The following CTNNA2 variants were observed in gnomAD, a reference collection of about 807,000 sequenced individuals.
CTNNA2 encodes catenin alpha 2, also known as catenin alpha-2.
Under a neutral mutation model 101.0 loss-of-function variants are expected in CTNNA2, and 42 were observed. That is an observed-to-expected ratio of 0.42 (90% CI 0.32 to 0.54). The LOEUF (loss-of-function observed/expected upper bound fraction) is 0.54, where lower values mean the gene tolerates loss of function less well. CTNNA2 is among the 20% of genes least tolerant of loss of function. The pLI, the probability that CTNNA2 is intolerant of heterozygous loss-of-function variation, is 0.14. For missense variants in CTNNA2, 871 were observed against 1,223.1 expected (o/e 0.71, Z 4.29); for synonymous variants, 450 against 456.4 (o/e 0.99, Z 0.18).
intron 12 of CTNNA2, 111 bp from the exon 13 acceptor site, chr2:80,574,052 G>A: frequency 1.9e-6 from 2 of 1,062,120 alleles, no homozygotes; most frequent in South Asian, 3.0e-5. Flanking sequence ...TGAGTGTCTT[G>A]CTCCACTTAA....
intron 9 of CTNNA2, among the ~76,000 whole-genome samples, chr2:80,441,866 A>G (rs1259524894): frequency 2.0e-5 from 3 of 152,210 alleles, no homozygotes; most frequent in African/African-American, 7.2e-5. Context: ...GAACTCAGTC[A>G]GTAGCACTGA....
At chr2:80,488,942 G>A (rs1341715096) in intron 9 of CTNNA2, among the ~76,000 whole-genome samples, 1 of 152,094 alleles carries the variant, frequency 6.6e-6, no homozygotes, top group Non-Finnish European at 1.5e-5. Context: ...CACACACACA[G>A]CATGGTACAT....
intron 9 of CTNNA2, among the ~76,000 whole-genome samples, chr2:80,493,157 C>A (rs528718611): frequency 6.6e-6 from 1 of 152,256 alleles, no homozygotes; most frequent in African/African-American, 2.4e-5. Flanking sequence ...GAGCACGGTA[C>A]AGAATGCATG....
At chr2:79,255,235 T>C (rs967920325) in intron 2 of CTNNA2, among the ~76,000 whole-genome samples, 2 of 152,210 alleles carry the variant, frequency 1.3e-5, no homozygotes, top group Admixed American at 1.3e-4. Context: ...AATCAATGAA[T>C]AAGATTCAGC....
chr2:79,953,612 A>T (rs1031400844), intron 7 of CTNNA2, among the ~76,000 whole-genome samples: 4 of 152,192 alleles, frequency 2.6e-5, no homozygotes, highest in African/African-American at 7.2e-5. Flanking sequence ...ACAGGCGATT[A>T]TTGGGTAGGA....
intron 1 of CTNNA2, among the ~76,000 whole-genome samples, chr2:79,624,129 A>G (rs6716741): frequency 0.022 from 3,327 of 152,196 alleles, 126 homozygotes; most frequent in African/African-American, 0.075. Context: ...CATAGCAAAT[A>G]TGAGAGAAAC....
chr2:80,301,737 T>C (rs1159924013), intron 7 of CTNNA2: 1 of 152,492 alleles, frequency 6.6e-6, no homozygotes, highest in African/African-American at 2.4e-5. Flanking sequence ...CTTTAAAATT[T>C]CAAATTGAAT....
At chr2:79,956,809 T>G (rs981868364) in intron 7 of CTNNA2, among the ~76,000 whole-genome samples, 27 of 148,474 alleles carry the variant, frequency 1.8e-4, no homozygotes, top group African/African-American at 6.2e-4. Context: ...TTACAGAATC[T>G]TGAGTAGTTT....
intron 2 of CTNNA2, among the ~76,000 whole-genome samples, chr2:79,666,798 A>G (rs1026298892): frequency 6.6e-6 from 1 of 152,212 alleles, no homozygotes; most frequent in African/African-American, 2.4e-5. Flanking sequence ...CTTACATAAG[A>G]GGGGTTTGTT....
intron 4 of CTNNA2, among the ~76,000 whole-genome samples, chr2:79,423,322 C>A (rs1678558042): frequency 6.6e-6 from 1 of 152,312 alleles, no homozygotes; most frequent in South Asian, 2.1e-4. Flanking sequence ...ACATTCCAGA[C>A]CATCCTATCT....
intron 2 of CTNNA2, among the ~76,000 whole-genome samples, chr2:79,290,373 C>T (rs1035204369): frequency 6.6e-5 from 10 of 152,124 alleles, no homozygotes; most frequent in Admixed American, 1.3e-4. Flanking sequence ...CAGGGAAGTG[C>T]TGGGAAGGAA....
chr2:79,938,880 T>C (rs1687961648), intron 7 of CTNNA2, among the ~76,000 whole-genome samples: 1 of 152,174 alleles, frequency 6.6e-6, no homozygotes, highest in South Asian at 2.1e-4. Flanking sequence ...TAAGGTAGAA[T>C]TGGTCAAAAA....
At chr2:80,053,265 T>C (rs771624719) in intron 7 of CTNNA2, among the ~76,000 whole-genome samples, 1 of 152,124 alleles carries the variant, frequency 6.6e-6, no homozygotes, top group Non-Finnish European at 1.5e-5. Flanking sequence ...CCAGGGGAGT[T>C]TCAAGGTGAC....
chr2:80,161,626 C>T (rs1009970237), intron 7 of CTNNA2, among the ~76,000 whole-genome samples: 4 of 152,110 alleles, frequency 2.6e-5, no homozygotes, highest in South Asian at 2.1e-4. Flanking sequence ...AAGTTTTTAA[C>T]GTTTGACTGA....
At chr2:79,889,054 A>C (rs1684105955) in intron 6 of CTNNA2, among the ~76,000 whole-genome samples, 1 of 152,194 alleles carries the variant, frequency 6.6e-6, no homozygotes, top group Admixed American at 6.5e-5. Context: ...TAGTACTGCT[A>C]ATCTTTACTT....
At chr2:79,876,795 A>G (rs1683055277) in intron 6 of CTNNA2, among the ~76,000 whole-genome samples, 1 of 152,188 alleles carries the variant, frequency 6.6e-6, no homozygotes. Flanking sequence ...CTATTAGCAA[A>G]GTATGTCAAC....
At chr2:79,681,966 GT>G (rs1275968739) in intron 2 of CTNNA2, among the ~76,000 whole-genome samples, 1 of 152,136 alleles carries the variant, frequency 6.6e-6, no homozygotes, top group Admixed American at 6.5e-5. Flanking sequence ...ACGAAGTGGA[GT>G]TACCATTCAG....
chr2:79,409,815 AG>A (rs1412784123), intron 4 of CTNNA2, among the ~76,000 whole-genome samples: 1 of 137,896 alleles, frequency 7.3e-6, no homozygotes, highest in African/African-American at 2.7e-5. Flanking sequence ...ACTTTAAAGT[AG>A]TTTTTTTCCA....
chr2:80,589,750 G>A (rs1696273073), intron 15 of CTNNA2, among the ~76,000 whole-genome samples: 1 of 152,100 alleles, frequency 6.6e-6, no homozygotes, highest in Non-Finnish European at 1.5e-5. Flanking sequence ...ATCAAACCCC[G>A]AGGGACGGGT....
Sources: allele counts gnomAD v4.1 joint callset (sites outside exome capture counted in the v4.1 genomes callset), GRCh38; gene constraint gnomAD v4.1.1; transcripts MANE v1.5; gene names NCBI Gene and HGNC (gene_info 2026-07-23, HGNC 2026-07-21).